DERL1: variants seen among roughly 807,000 people sequenced by gnomAD.
DERL1 encodes the protein derlin 1.
A neutral mutation model predicts 41.6 loss-of-function variants in DERL1; 24 were observed. The observed-to-expected ratio is 0.58, with a 90% CI of 0.42 to 0.81. DERL1 has a LOEUF of 0.81. Among genes scored for constraint, DERL1 ranks in the 30% least tolerant of loss-of-function variants. The probability of loss-of-function intolerance (pLI) is 0.00; values close to 1 mark genes in which losing one functional copy is unlikely to be tolerated. For missense variants in DERL1, 260 were observed against 314.3 expected, an observed-to-expected ratio of 0.83 and a Z score of 1.31; for synonymous variants, 124 against 112.5, an observed-to-expected ratio of 1.10 and a Z score of -0.65.
At position 123,015,580 on chromosome 8, in the gene DERL1, C is replaced by A; in HGVS notation, c.623G>T (p.Arg208Leu). Residue 208 changes from arginine to leucine, a missense_variant, in exon 8 of 8, where the codon CGC (arginine) becomes CTC (leucine). Coordinates refer to ENST00000259512, the MANE Select transcript of DERL1 (RefSeq NM_024295.6). ...NFLSTPQFLY[R>L]WLPSRRGGVS... ...TCCTCCTCTCCTACTGGGCAGCCAG[C>A]GGTACCTGGTGCAGAAAGACGGGGA... 2 of 1,607,610 alleles carry A rather than the reference C, an allele frequency of 1.2e-6. No individual in the cohort carries two copies. Among genetic ancestry groups the A allele is most frequent in the Non-Finnish European group, 1.7e-6 (2 of 1,176,912 alleles).
chr8:123,040,213 G>A lies in DERL1; in HGVS notation c.153+1757C>T, dbSNP rs117264708. Among the ~76,000 whole-genome samples, 185 of 152,028 alleles carry A rather than the reference G, an allele frequency of 1.2e-3. 3 individuals carry two copies. In the East Asian group the frequency reaches 0.031, roughly 25 times the overall value. ...AGCCTGGGCAACAGAGCGAGACTCC[G>A]TCTCCAAAAAAAAGAAAGAAAGAAA... On this transcript the variant is annotated intron_variant, in intron 1 of 7. Transcript: ENST00000259512.
intron 1 of DERL1, among the ~76,000 whole-genome samples, chr8:123,035,702 A>G (rs759065828): frequency 6.6e-6 from 1 of 152,226 alleles, no homozygotes; most frequent in Non-Finnish European, 1.5e-5. Flanking sequence ...CATGTAGCCC[A>G]TGTGCTCACT....
rs556062781 is a variant in DERL1, at chr8:123,019,400, C to T, written c.507-95G>A. ...ATAAGGAAGAGAGCCTTCAAGGCAG[C>T]CCATTTAGTCCCTGGGAGTCTGTGA... On this transcript the variant is annotated intron_variant, in intron 6 of 7. Coordinates refer to ENST00000259512, the MANE Select transcript of DERL1 (RefSeq NM_024295.6). The T allele has an allele frequency of 3.7e-4, 301 of 817,236 alleles. 1 individual carries two copies. Among genetic ancestry groups the T allele is most frequent in the Non-Finnish European group, 4.6e-4 (229 of 499,830 alleles). 50.6% of individuals were successfully genotyped at this position (817,236 alleles called of 1,614,324 possible). A position where few individuals can be genotyped will look rare whatever the true frequency, so the allele number is the denominator to read the frequency against.
At chr8:123,015,747 T>G in intron 7 of DERL1, 162 bp from the exon 8 acceptor site, 1 of 858,850 alleles carries the variant, frequency 1.2e-6, no homozygotes, top group South Asian at 2.3e-5. Context: ...TTTTCTGTAC[T>G]CAGCCCCATG....
intron 6 of DERL1, among the ~76,000 whole-genome samples, chr8:123,021,171 G>A (rs946507899): frequency 1.3e-5 from 2 of 152,100 alleles, no homozygotes; most frequent in African/African-American, 4.8e-5. Context: ...AATCAGAATA[G>A]TGAATCCAGA....
chr8:123,019,310 A>G lies in DERL1; in HGVS notation c.507-5T>C. 1 of 1,589,774 alleles carries G rather than the reference A, an allele frequency of 6.3e-7. No homozygotes were observed. Among genetic ancestry groups the G allele is most frequent in the Non-Finnish European group, 8.6e-7 (1 of 1,158,322 alleles). ...CCAATAAGCTCATTGATTACCCTGC[A>G]AAGAGAGCCAAATGAGTTTAAAGAC... On this transcript the variant is annotated splice_polypyrimidine_tract_variant and splice_region_variant and intron_variant, in intron 6 of 7. Transcript: ENST00000259512.
chr8:123,017,732 G>A (rs1283376304), intron 7 of DERL1: 4 of 152,152 alleles, frequency 2.6e-5, no homozygotes, highest in Non-Finnish European at 5.9e-5. Context: ...GCTACAAGCC[G>A]TTAAGTTAGA....
chr8:123,042,276 G>A lies in DERL1; in HGVS notation c.-154C>T, dbSNP rs1439229105. 3 of 1,060,236 alleles carry A rather than the reference G, an allele frequency of 2.8e-6. No individual in the cohort carries two copies. The highest frequency in any genetic ancestry group is 3.3e-5 in the African/African-American group (2 of 61,028). The allele number at this position is 1,060,236 out of a possible 1,614,324, so 65.7% of individuals were successfully genotyped here. ...GGAGACGGGCGGACGTGGCGCCACC[G>A]AATTCGGACCAGCGAGGCAGCCTTC... On this transcript the variant is annotated 5_prime_UTR_variant, in exon 1 of 8. Transcript: ENST00000259512.
At chr8:123,031,584 A>T (rs898563255) in intron 1 of DERL1, among the ~76,000 whole-genome samples, 2 of 152,202 alleles carry the variant, frequency 1.3e-5, no homozygotes, top group African/African-American at 4.8e-5. Context: ...ATTAAATAAT[A>T]AAGTAACAAG....
At chr8:123,032,221 A>G (rs1586467668) in intron 1 of DERL1, among the ~76,000 whole-genome samples, 1 of 146,418 alleles carries the variant, frequency 6.8e-6, no homozygotes, top group Non-Finnish European at 1.5e-5. Flanking sequence ...TACAACCTCC[A>G]CCTCCTGGAC....
chr8:123,022,618 C>T (rs2130465394), intron 5 of DERL1, 66 bp downstream of exon 5: 1 of 1,491,550 alleles, frequency 6.7e-7, no homozygotes, highest in Non-Finnish European at 9.4e-7. Flanking sequence ...GAAAGTACAT[C>T]TCTGGACTGA....
intron 3 of DERL1, among the ~76,000 whole-genome samples, chr8:123,024,082 G>A (rs1215138050): frequency 6.6e-6 from 1 of 152,104 alleles, no homozygotes; most frequent in Non-Finnish European, 1.5e-5. Flanking sequence ...TCTTCATTAT[G>A]CATATTCCAT....
At chr8:123,038,338 T>C (rs753785936) in intron 1 of DERL1, among the ~76,000 whole-genome samples, 106 of 152,182 alleles carry the variant, frequency 7.0e-4, no homozygotes, top group Non-Finnish European at 1.3e-3. Flanking sequence ...GACTGCTTCA[T>C]TTGCAAATGA....
chr8:123,023,318 G>A (rs536205781), intron 4 of DERL1, among the ~76,000 whole-genome samples: 58 of 152,304 alleles, frequency 3.8e-4, no homozygotes, highest in African/African-American at 1.4e-3. Context: ...AGCACTTTGG[G>A]AGGCCGAGGC....
Position 123,015,532 on chromosome 8 carries a change from G to A in DERL1, c.671C>T (p.Pro224Leu). The A allele has an allele frequency of 6.2e-7, 1 of 1,613,006 alleles. No homozygotes were observed. The highest frequency in any genetic ancestry group is 8.5e-7 in the Non-Finnish European group (1 of 1,179,564). Residue 224 changes from proline to leucine, a missense_variant, in exon 8 of 8, where the codon CCT becomes CTT. Physicochemically the swap from Pro to Leu is moderately conservative, Grantham distance 98 (BLOSUM62 -3). Coordinates refer to ENST00000259512, the MANE Select transcript of DERL1 (RefSeq NM_024295.6). ...RGGVSGFGVPPASMRRAADQN... is the reference protein window; with the variant it reads ...RGGVSGFGVPLASMRRAADQN... ...ATCAGCAGCTCGCCTCATGCTAGCAGGGGGCACACCAAATCCTGATACTCC... is the reference window on the plus strand; with the variant it reads ...ATCAGCAGCTCGCCTCATGCTAGCAAGGGGCACACCAAATCCTGATACTCC...
Position 123,015,247 on chromosome 8 carries a change from A to C in DERL1, c.*200T>G, listed in dbSNP as rs1767056382. The C allele has an allele frequency of 1.4e-6, 1 of 691,972 alleles. No individual in the cohort carries two copies. The highest frequency in any genetic ancestry group is 2.2e-6 in the Non-Finnish European group (1 of 450,098). 42.9% of individuals were successfully genotyped at this position (691,972 alleles called of 1,614,324 possible). ...ACAGTTGGTATTTGTTCTTCACAGCAGTAAGGACTTGAATGAGAATCGTGA... is the reference window on the plus strand; with the variant it reads ...ACAGTTGGTATTTGTTCTTCACAGCCGTAAGGACTTGAATGAGAATCGTGA... On this transcript the variant is annotated 3_prime_UTR_variant, in exon 8 of 8. Coordinates refer to ENST00000259512, the MANE Select transcript of DERL1 (RefSeq NM_024295.6).
chr8:123,015,387 G>C lies in DERL1; in HGVS notation c.*60C>G. On this transcript the variant is annotated 3_prime_UTR_variant, in exon 8 of 8. Coordinates refer to ENST00000259512, the MANE Select transcript of DERL1 (RefSeq NM_024295.6). ...GTGTTAGCCAGAACGCAGTTGTTAA[G>C]TGCACCCAGCACTGGGAGGAAATGT... 6.3e-7 allele frequency: 1 copy of C among 1,585,382 alleles called. No individual in the cohort carries two copies. Among genetic ancestry groups the C allele is most frequent in the Non-Finnish European group, 8.6e-7 (1 of 1,164,232 alleles).
intron 3 of DERL1, among the ~76,000 whole-genome samples, chr8:123,024,165 T>A (rs1041503529): frequency 6.6e-6 from 1 of 152,338 alleles, no homozygotes; most frequent in African/African-American, 2.4e-5. Context: ...TCATCTGGCA[T>A]CCTTTTTCTC....
In DERL1 at chr8:123,023,371, A is replaced by G. The variant is rs193001028; in HGVS notation, c.357+342T>C. Among the ~76,000 whole-genome samples the G allele has an allele frequency of 1.6e-3, 242 of 152,222 alleles. 1 individual carries two copies. Among genetic ancestry groups the G allele is most frequent in the African/African-American group, 5.7e-3 (236 of 41,560 alleles). On this transcript the variant is annotated intron_variant, in intron 4 of 7. Coordinates refer to ENST00000259512, the MANE Select transcript of DERL1 (RefSeq NM_024295.6). The stretch of plus-strand genomic sequence containing the variant: ...AGGAGTTCAAGACCAGCCTGGTGAC[A>G]TGGTGAAACCCCATCTCTACTAAAA...
Sources: allele counts gnomAD v4.1 joint callset (sites outside exome capture counted in the v4.1 genomes callset), GRCh38; gene constraint gnomAD v4.1.1; transcripts MANE v1.5; gene names NCBI Gene and HGNC (gene_info 2026-07-23, HGNC 2026-07-21).